The following FNDC3A variants were observed in gnomAD, a reference collection of about 807,000 sequenced individuals.
The protein encoded by FNDC3A is fibronectin type-III domain-containing protein 3A.
Under a neutral mutation model 148.9 loss-of-function variants are expected in FNDC3A, and 32 were observed. The observed-to-expected ratio is 0.21, with a 90% CI of 0.16 to 0.29. FNDC3A has a LOEUF of 0.29. Among genes scored for constraint, FNDC3A ranks in the 10% least tolerant of loss-of-function variants. The pLI, the probability that FNDC3A is intolerant of heterozygous loss-of-function variation, is 1.00. For missense variants in FNDC3A, 1,191 were observed against 1,452.8 expected (o/e 0.82, Z 2.93); for synonymous variants, 472 against 473.6 (o/e 1.00, Z 0.04).
At chr13:49,056,201 G>T (rs980828236) in intron 2 of FNDC3A, among the ~76,000 whole-genome samples, 1 of 148,352 alleles carries the variant, frequency 6.7e-6, no homozygotes, top group East Asian at 2.0e-4. Flanking sequence ...AAAAAAAAAA[G>T]TGCAGTTTAA....
intron 2 of FNDC3A, among the ~76,000 whole-genome samples, chr13:49,020,427 C>T (rs1873234212): frequency 6.6e-6 from 1 of 152,196 alleles, no homozygotes; most frequent in South Asian, 2.1e-4. Flanking sequence ...TCTTATCAGT[C>T]AGAATAGGCA....
intron 2 of FNDC3A, among the ~76,000 whole-genome samples, chr13:49,037,281 T>C (rs566693591): frequency 1.1e-4 from 16 of 152,338 alleles, no homozygotes; most frequent in African/African-American, 3.8e-4. Flanking sequence ...TGTTAACTCA[T>C]TTAATCATCA....
intron 2 of FNDC3A, among the ~76,000 whole-genome samples, chr13:49,015,139 G>A (rs941112425): frequency 6.6e-6 from 1 of 152,178 alleles, no homozygotes; most frequent in African/African-American, 2.4e-5. Context: ...TGTGAAGAAA[G>A]TCATTGGTAG....
chr13:49,202,067 A>G (rs1886444521), intron 24 of FNDC3A, 101 bp downstream of exon 24: 3 of 709,124 alleles, frequency 4.2e-6, no homozygotes, highest in African/African-American at 1.9e-5. Flanking sequence ...AGCATCCAGT[A>G]TATGTCCACC....
intron 2 of FNDC3A, among the ~76,000 whole-genome samples, chr13:49,038,040 A>G (rs1874631304): frequency 1.3e-5 from 2 of 152,048 alleles, no homozygotes. Context: ...CTGGAAGGGG[A>G]CCAAGTGGGA....
At chr13:49,065,820 A>G (rs1877225934) in intron 2 of FNDC3A, among the ~76,000 whole-genome samples, 1 of 152,220 alleles carries the variant, frequency 6.6e-6, no homozygotes, top group Non-Finnish European at 1.5e-5. Flanking sequence ...AACTTAATAC[A>G]TAGTAAAATA....
chr13:49,075,242 T>C (rs1269701150), intron 2 of FNDC3A, 47 bp from the exon 3 acceptor site: 1 of 1,117,258 alleles, frequency 9.0e-7, no homozygotes, highest in Non-Finnish European at 1.3e-6. Flanking sequence ...TATATTCTGA[T>C]TTGCTTTTTT....
At chr13:49,128,042 C>A (rs975477875) in intron 4 of FNDC3A, among the ~76,000 whole-genome samples, 2 of 152,098 alleles carry the variant, frequency 1.3e-5, no homozygotes, top group African/African-American at 2.4e-5. Context: ...CCACCATGCC[C>A]AGCTAATTTT....
Position 49,131,227 on chromosome 13 carries a change from C to G in FNDC3A, c.343C>G (p.Pro115Ala). The G allele has an allele frequency of 6.2e-7, 1 of 1,614,132 alleles. No individual in the cohort carries two copies. Among genetic ancestry groups the G allele is most frequent in the Non-Finnish European group, 8.5e-7 (1 of 1,179,990 alleles). The stretch of plus-strand genomic sequence containing the variant: ...TAGTCACACAGTTCTCCACCGTTCT[C>G]CACATCCTCCTCTACCTGGTTTCAT... ...PGSHTVLHRS[P>A]HPPLPGFIPV... Residue 115 changes from proline to alanine, a missense_variant, in exon 5 of 26, where the codon CCA becomes GCA. Physicochemically the swap from Pro to Ala is conservative, Grantham distance 27 (BLOSUM62 -1). Transcript: ENST00000492622.
At chr13:49,118,229 G>A (rs755319528) in intron 4 of FNDC3A, among the ~76,000 whole-genome samples, 6 of 152,248 alleles carry the variant, frequency 3.9e-5, no homozygotes, top group East Asian at 3.9e-4. Context: ...GTGGGGCATC[G>A]CCTCACCCAG....
At chr13:49,159,234 G>A (rs930460374) in intron 8 of FNDC3A, among the ~76,000 whole-genome samples, 18 of 152,164 alleles carry the variant, frequency 1.2e-4, no homozygotes, top group African/African-American at 3.9e-4. Flanking sequence ...TCACGATATT[G>A]ATTCTTCCTA....
At chr13:48,997,066 G>GAAA (rs5803452) in intron 1 of FNDC3A, among the ~76,000 whole-genome samples, 1 of 99,590 alleles carries the variant, frequency 1.0e-5, no homozygotes, top group Non-Finnish European at 2.2e-5. Context: ...TCCGTCTCAA[G>GAAA]AAAAAAAAAA....
At chr13:48,991,714 A>AG (rs1951922561) in intron 1 of FNDC3A, among the ~76,000 whole-genome samples, 1 of 151,422 alleles carries the variant, frequency 6.6e-6, no homozygotes, top group African/African-American at 2.4e-5. Flanking sequence ...GAAAAAAAAA[A>AG]GAGAGAGAAT....
intron 3 of FNDC3A, among the ~76,000 whole-genome samples, chr13:49,081,924 AT>A (rs1018870153): frequency 6.6e-6 from 1 of 151,024 alleles, no homozygotes; most frequent in Admixed American, 6.6e-5. Context: ...GTTACTCAGG[AT>A]TTTGTTCTCT....
At position 49,196,047 on chromosome 13, in the gene FNDC3A, A is replaced by C. The variant is rs1020155798; in HGVS notation, c.2227-830A>C. On this transcript the variant is annotated intron_variant, in intron 19 of 25. Coordinates refer to ENST00000492622, the MANE Select transcript of FNDC3A (RefSeq NM_001079673.2). ...CATGTTTGCACCACTGCACTCCTGC[A>C]GTCTAGGTGATGGAGCCAGCCAGAC... Among the ~76,000 whole-genome samples, 14 of 140,852 alleles carry C rather than the reference A, an allele frequency of 9.9e-5. 1 individual carries two copies. Among genetic ancestry groups the C allele is most frequent in the Admixed American group, 4.6e-4 (6 of 13,084 alleles). 92.4% of individuals were successfully genotyped at this position (140,852 alleles called of 152,430 possible). A position where few individuals can be genotyped will look rare whatever the true frequency, so the allele number is the denominator to read the frequency against.
chr13:48,980,013 A>G (rs1355724149), intron 1 of FNDC3A, among the ~76,000 whole-genome samples: 16 of 152,028 alleles, frequency 1.1e-4, no homozygotes, highest in Admixed American at 1.0e-3. Flanking sequence ...TCTTGTCTAT[A>G]TGGTGGTTTG....
intron 2 of FNDC3A, among the ~76,000 whole-genome samples, chr13:49,060,437 A>G (rs1876586135): frequency 6.6e-6 from 1 of 152,138 alleles, no homozygotes; most frequent in African/African-American, 2.4e-5. Context: ...TGAAGTCAGG[A>G]GTTCGAGACC....
chr13:49,028,487 A>G (rs1180593763), intron 2 of FNDC3A, among the ~76,000 whole-genome samples: 1 of 151,756 alleles, frequency 6.6e-6, no homozygotes, highest in Non-Finnish European at 1.5e-5. Flanking sequence ...TGATCCTCCA[A>G]CCTCATCTTC....
chr13:49,159,697 A>G (rs1344904174), intron 8 of FNDC3A, among the ~76,000 whole-genome samples: 4 of 152,162 alleles, frequency 2.6e-5, no homozygotes, highest in Non-Finnish European at 4.4e-5. Flanking sequence ...GTCTTGTGCC[A>G]GTTCTCAAAG....
Sources: allele counts gnomAD v4.1 joint callset (sites outside exome capture counted in the v4.1 genomes callset), GRCh38; gene constraint gnomAD v4.1.1; transcripts MANE v1.5; gene names NCBI Gene and HGNC (gene_info 2026-07-23, HGNC 2026-07-21).